The following PZP variants were observed in gnomAD, a reference collection of about 807,000 sequenced individuals.
PZP encodes pregnancy zone protein.
PZP carries 150 observed loss-of-function variants against 179.8 expected under a neutral mutation model. That is an observed-to-expected ratio of 0.83 (90% CI 0.73 to 0.96). The LOEUF is 0.96. PZP is among the 40% of genes least tolerant of loss of function. PZP has a pLI of 0.00. For missense variants in PZP, 1,689 were observed against 1,764.0 expected (o/e 0.96, Z 0.76); for synonymous variants, 624 against 652.3 (o/e 0.96, Z 0.66).
At chr12:9,200,604 C>G (rs1180798801) in intron 6 of PZP, among the ~76,000 whole-genome samples, 156 bp from the exon 7 acceptor site, 1 of 152,170 alleles carries the variant, frequency 6.6e-6, no homozygotes, top group East Asian at 1.9e-4. Flanking sequence ...TTTAACAATT[C>G]ATGCAGAATC....
chr12:9,150,860 C>T, intron 33 of PZP, 114 bp from the exon 34 acceptor site: 1 of 697,336 alleles, frequency 1.4e-6, no homozygotes, highest in East Asian at 2.8e-5. Context: ...TTTAGGTGAC[C>T]AGACATTTGT....
intron 6 of PZP, 52 bp downstream of exon 6, chr12:9,200,840 C>T: frequency 1.3e-6 from 2 of 1,554,396 alleles, no homozygotes; most frequent in South Asian, 2.4e-5. Flanking sequence ...TAAGTGAGCT[C>T]ACACTCTAGG....
At position 9,192,743 on chromosome 12, in the gene PZP, A is replaced by C. The variant is rs1943531945; in HGVS notation, c.1255-4T>G. On this transcript the variant is annotated splice_polypyrimidine_tract_variant and splice_region_variant and intron_variant, in intron 11 of 35. Transcript: ENST00000261336. The stretch of plus-strand genomic sequence containing the variant: ...AGTTGGGATGCACAGTGAAAACCTG[A>C]GTAAACAGAAAAGCAAAGAAAGAAT... The C allele has an allele frequency of 6.3e-7, 1 of 1,579,126 alleles. No homozygotes were observed. The highest frequency in any genetic ancestry group is 8.7e-7 in the Non-Finnish European group (1 of 1,150,064).
Position 9,152,954 on chromosome 12 carries a change from G to A in PZP, c.3994-3C>T. On this transcript the variant is annotated splice_polypyrimidine_tract_variant and splice_region_variant and intron_variant, in intron 30 of 35. Transcript: ENST00000261336. ...AGAATATTGTATTTCATGGATGTCT[G>A]TGAAACAGCAAAGACACTATCAGTT... 1 of 1,614,102 alleles carries A rather than the reference G, an allele frequency of 6.2e-7. No homozygotes were observed. The highest frequency in any genetic ancestry group is 8.5e-7 in the Non-Finnish European group (1 of 1,180,008).
chr12:9,192,546 A>T lies in PZP; in HGVS notation c.1448T>A (p.Met483Lys). ...TAHYTLNRQA[M>K]GELSELSFHY... ...GAAACTGAGCTCCGATAACTCTCCCATGGCCTGTCTATTCAGTGTATAGTG... is the reference window on the plus strand; with the variant it reads ...GAAACTGAGCTCCGATAACTCTCCCTTGGCCTGTCTATTCAGTGTATAGTG... Residue 483 changes from methionine to lysine, a missense_variant, in exon 12 of 36, where the codon ATG (methionine) becomes AAG (lysine). Physicochemically the swap from Met to Lys is moderately conservative, Grantham distance 95 (BLOSUM62 -1). This residue lies in a region of PZP where 742 missense variants were observed against 730.5 expected (regional missense o/e 1.02). Coordinates refer to ENST00000261336, the MANE Select transcript of PZP (RefSeq NM_002864.3). The T allele has an allele frequency of 6.2e-7, 1 of 1,614,140 alleles. No homozygotes were observed.
Position 9,194,196 on chromosome 12 carries a change from G to A in PZP, c.1135C>T (p.Leu379Phe). 1.2e-6 allele frequency: 2 copies of A among 1,613,760 alleles called. No homozygotes were observed. Among genetic ancestry groups the A allele is most frequent in the Non-Finnish European group, 1.7e-6 (2 of 1,179,852 alleles). Residue 379 changes from leucine to phenylalanine, a missense_variant, in exon 11 of 36, where the codon CTC becomes TTC. Physicochemically the swap from Leu to Phe is conservative, Grantham distance 22. This residue lies in a region of PZP where 742 missense variants were observed against 730.5 expected (regional missense o/e 1.02). Transcript: ENST00000261336. ...DGKGVPIPNK[L>F]FFISVNDANY... ...GCGTCATTCACAGAGATGAAGAAGA[G>A]TTTATTGGGGATGGGCACACCTTTT... is the stretch of plus-strand genomic sequence containing the variant.
Position 9,200,458 on chromosome 12 carries a change from G to T in PZP, c.671-10C>A. On this transcript the variant is annotated splice_polypyrimidine_tract_variant and intron_variant, in intron 6 of 35. Coordinates refer to ENST00000261336, the MANE Select transcript of PZP (RefSeq NM_002864.3). ...TCAAACTTGGGAAGCACTGTTAATA[G>T]AGATAATAGGAATAAGGAAGGTTGG... is the stretch of plus-strand genomic sequence containing the variant. The T allele has an allele frequency of 6.3e-7, 1 of 1,575,644 alleles. No homozygotes were observed. The highest frequency in any genetic ancestry group is 1.7e-5 in the Admixed American group (1 of 59,196).
intron 23 of PZP, 66 bp downstream of exon 23, chr12:9,160,967 A>C (rs1226050535): frequency 9.4e-6 from 12 of 1,274,506 alleles, no homozygotes; most frequent in Admixed American, 1.7e-5. Context: ...TCAAATACAA[A>C]TACGTAGATA....
Position 9,200,393 on chromosome 12 carries a change from A to G in PZP, c.726T>C (p.Asp242=), listed in dbSNP as rs1399013803. 7 of 1,610,672 alleles carry G rather than the reference A, an allele frequency of 4.3e-6. No homozygotes were observed. In the Admixed American group the frequency reaches 1.0e-4, roughly 23 times the overall value. ...CACAGACTGTTATGTTCACTTTTTC[A>G]TCCATGATACTGATTATCTTTGGCA... ...VQVPKIISIM[D]EKVNITVCGE... is the part of the protein sequence containing the mutation. Residue 242 remains aspartate, a synonymous_variant, in exon 7 of 36, where the codon GAT becomes GAC. Transcript: ENST00000261336.
At chr12:9,203,741 A>G (rs1944307556) in intron 2 of PZP, 27 bp downstream of exon 2, 1 of 1,612,796 alleles carries the variant, frequency 6.2e-7, no homozygotes, top group Non-Finnish European at 8.5e-7. Flanking sequence ...TCAAGCAGGG[A>G]TAGCCAGCTG....
At chr12:9,148,390 T>A (rs1352988736), downstream of PZP, among the ~76,000 whole-genome samples, 1 of 152,212 alleles carries the variant, frequency 6.6e-6, no homozygotes, top group Non-Finnish European at 1.5e-5. Context: ...ACTGTTACTT[T>A]TATCTTTAAA....
intron 21 of PZP, 93 bp from the exon 22 acceptor site, chr12:9,162,741 A>G (rs1941298150): frequency 9.8e-7 from 1 of 1,017,154 alleles, no homozygotes; most frequent in Admixed American, 2.1e-5. Flanking sequence ...TAGGGTTTAC[A>G]CGAATGATGT....
At chr12:9,192,838 A>G (rs1943539136) in intron 11 of PZP, 99 bp from the exon 12 acceptor site, 9 of 762,308 alleles carry the variant, frequency 1.2e-5, no homozygotes, top group Non-Finnish European at 2.0e-5. Context: ...TCCACTCTAA[A>G]ATACACTATG....
At position 9,157,326 on chromosome 12, in the gene PZP, G is replaced by C. The variant is rs779996853; in HGVS notation, c.3399C>G (p.Cys1133Trp). 1.2e-6 allele frequency: 2 copies of C among 1,613,874 alleles called. No homozygotes were observed. Among genetic ancestry groups the C allele is most frequent in the East Asian group, 2.2e-5 (1 of 44,868 alleles). ...TNPIVRNALF[C>W]LESAWNVAKE... ...TTGCTACATTCCAGGCTGACTCCAGGCAGAACAGGGCATTGCGAACAATAG... is the reference window on the plus strand; with the variant it reads ...TTGCTACATTCCAGGCTGACTCCAGCCAGAACAGGGCATTGCGAACAATAG... Residue 1133 changes from cysteine to tryptophan, a missense_variant, in exon 28 of 36, where the codon TGC becomes TGG. Physicochemically the swap from Cys to Trp is radical, Grantham distance 215. Transcript: ENST00000261336.
At chr12:9,193,692 T>A (rs1037437688) in intron 11 of PZP, among the ~76,000 whole-genome samples, 11 of 152,194 alleles carry the variant, frequency 7.2e-5, no homozygotes, top group African/African-American at 2.7e-4. Context: ...AATCTTTTGA[T>A]CATCGTCATT....
chr12:9,183,770 A>T (rs1450345625), intron 13 of PZP, among the ~76,000 whole-genome samples: 2 of 152,204 alleles, frequency 1.3e-5, no homozygotes, highest in Non-Finnish European at 2.9e-5. Flanking sequence ...TCTACGTAGA[A>T]TGTGGAATTT....
chr12:9,152,948 A>G lies in PZP; in HGVS notation c.3997T>C (p.Ser1333Pro). The G allele has an allele frequency of 6.2e-7, 1 of 1,614,124 alleles. No individual in the cohort carries two copies. ...TGERCVYLQTSMKYNILPEKE... is the reference protein window; with the variant it reads ...TGERCVYLQTPMKYNILPEKE... ...TCTGGAAGAATATTGTATTTCATGGATGTCTGTGAAACAGCAAAGACACTA... is the reference window on the plus strand; with the variant it reads ...TCTGGAAGAATATTGTATTTCATGGGTGTCTGTGAAACAGCAAAGACACTA... Residue 1333 changes from serine to proline, a missense_variant, in exon 31 of 36, where the codon TCC (serine) becomes CCC (proline). Around this residue, in one of 3 missense-constraint regions of PZP, gnomAD observed 746 missense variants for 749.2 expected, o/e 1.00. Coordinates refer to ENST00000261336, the MANE Select transcript of PZP (RefSeq NM_002864.3).
chr12:9,194,516 G>C (rs1054058762), intron 10 of PZP, among the ~76,000 whole-genome samples: 14 of 142,626 alleles, frequency 9.8e-5, no homozygotes, highest in African/African-American at 3.1e-4. Context: ...CCAGGCTGGA[G>C]TGCAGTGGCG....
downstream of PZP, among the ~76,000 whole-genome samples, chr12:9,147,760 G>A (rs1384115453): frequency 1.3e-5 from 2 of 152,060 alleles, no homozygotes; most frequent in Admixed American, 1.3e-4. Flanking sequence ...ATTCTTCTAT[G>A]ACTCCTTGAA....
Sources: gnomAD v4.1 joint callset for allele counts (sites outside exome capture counted in the v4.1 genomes callset) on GRCh38, gnomAD v4.1.1 for gene constraint, gnomAD v4.1.1 regional missense constraint, MANE v1.5 for transcripts, NCBI Gene and HGNC (gene_info 2026-07-23, HGNC 2026-07-21) for gene names.